Variants in HECTD4 observed in about 807,000 individuals in gnomAD.
HECTD4 encodes HECT domain E3 ubiquitin protein ligase 4.
Under a neutral mutation model 471.5 loss-of-function variants are expected in HECTD4, and 114 were observed. That is an observed-to-expected ratio of 0.24 (90% CI 0.21 to 0.28). The LOEUF (loss-of-function observed/expected upper bound fraction) is 0.28, where lower values mean the gene tolerates loss of function less well. Among genes scored for constraint, HECTD4 ranks in the 10% least tolerant of loss-of-function variants. The pLI is 1.00. For missense variants in HECTD4, 3,866 were observed against 5,651.5 expected (o/e 0.68, Z 10.13); for synonymous variants, 2,012 against 2,256.0 (o/e 0.89, Z 3.07).
chr12:112,167,467 C>A lies in HECTD4; in HGVS notation c.12384G>T (p.Leu4128=), dbSNP rs1566057740. 2 of 1,613,010 alleles carry A rather than the reference C, an allele frequency of 1.2e-6. No individual in the cohort carries two copies. Among genetic ancestry groups the A allele is most frequent in the Non-Finnish European group, 1.7e-6 (2 of 1,179,490 alleles). The change falls in exon 72 of 76, where the codon CTG becomes CTT. Residue 4128 remains leucine (L), a synonymous_variant. Transcript: ENST00000682272. Reference sequence around the variant, plus strand: ...CGTCTGCCCGAATTGCAATCCCCAGCAGCTGCCCCAGGAAGTGCAGCAGCT... The same window carrying A: ...CGTCTGCCCGAATTGCAATCCCCAGAAGCTGCCCCAGGAAGTGCAGCAGCT... ...EEQLLHFLGQ[L]LGIAIRADVP...
chr12:112,349,342 C>A (rs555882751), intron 1 of HECTD4, among the ~76,000 whole-genome samples: 1 of 142,208 alleles, frequency 7.0e-6, no homozygotes, highest in Non-Finnish European at 1.5e-5. Flanking sequence ...GAGCCGAGAT[C>A]GCACCACTGC....
intron 20 of HECTD4, 24 bp from the exon 21 acceptor site, chr12:112,256,542 T>C: frequency 1.4e-6 from 2 of 1,477,738 alleles, no homozygotes; most frequent in South Asian, 1.4e-5. Flanking sequence ...GAGAAAGTGA[T>C]TTAGCTTAGC....
intron 7 of HECTD4, among the ~76,000 whole-genome samples, chr12:112,292,640 C>A (rs886240877): frequency 2.0e-5 from 3 of 152,178 alleles, no homozygotes; most frequent in Non-Finnish European, 4.4e-5. Flanking sequence ...AAGTGCCCAG[C>A]ACTTACATCA....
Position 112,371,316 on chromosome 12 carries a change from C to CT in HECTD4, c.177+10635dup, listed in dbSNP as rs1409026928. Among the ~76,000 whole-genome samples the CT allele has an allele frequency of 2.0e-5, 3 of 152,136 alleles. 1 individual carries two copies. The highest frequency in any genetic ancestry group is 1.3e-4 in the Admixed American group (2 of 15,244). ...TCCAGCCAGGCGCGGTGGTTCACAC[C>CT]TGTAATCCCAGCACTCTGGAAGGCC... On this transcript the variant is annotated intron_variant, in intron 1 of 75. Coordinates refer to ENST00000682272, the MANE Select transcript of HECTD4 (RefSeq NM_001388303.1).
At position 112,193,482 on chromosome 12, in the gene HECTD4, C is replaced by T. The variant is rs748758471; in HGVS notation, c.8942G>A (p.Cys2981Tyr). 1.2e-5 allele frequency: 20 copies of T among 1,608,754 alleles called. No homozygotes were observed. The highest frequency in any genetic ancestry group is 1.7e-5 in the Non-Finnish European group (20 of 1,177,606). ...ESLLELTKQI[C>Y]SFLQTAPEQF... Reference sequence around the variant, plus strand: ...TTAGACTTCTACCTGCAGGAAAGAGCAGATCTGTTTCGTCAGCTCTAAAAG... The same window carrying T: ...TTAGACTTCTACCTGCAGGAAAGAGTAGATCTGTTTCGTCAGCTCTAAAAG... Residue 2981 changes from cysteine to tyrosine, a missense_variant, in exon 57 of 76, where the codon TGC becomes TAC. Cys to Tyr is a radical substitution (Grantham distance 194). Transcript: ENST00000682272. This position sits in a 1 kb window ranked among gnomAD's most constrained non-coding sequence, Gnocchi z 5.2.
At chr12:112,252,297 C>T in intron 23 of HECTD4, 127 bp downstream of exon 23, 1 of 949,810 alleles carries the variant, frequency 1.1e-6, no homozygotes, top group Non-Finnish European at 1.5e-6. Context: ...TGACTAGTGC[C>T]AACTAGAAGA....
intron 45 of HECTD4, among the ~76,000 whole-genome samples, chr12:112,218,919 G>A (rs2033008714): frequency 6.6e-6 from 1 of 151,886 alleles, no homozygotes; most frequent in Admixed American, 6.6e-5. Context: ...ATTTTTAGTA[G>A]AGATGGGTTT....
chr12:112,354,015 C>T (rs966189177), intron 1 of HECTD4, among the ~76,000 whole-genome samples: 1 of 152,048 alleles, frequency 6.6e-6, no homozygotes, highest in African/African-American at 2.4e-5. Context: ...CAAAGCCAGT[C>T]TGGGTAACAC....
chr12:112,310,273 A>G (rs966100513), intron 4 of HECTD4, among the ~76,000 whole-genome samples: 33 of 152,228 alleles, frequency 2.2e-4, no homozygotes, highest in African/African-American at 8.0e-4. Flanking sequence ...TACTAATGAT[A>G]TACATTAAAC....
intron 1 of HECTD4, among the ~76,000 whole-genome samples, chr12:112,336,114 A>G (rs1461990131): frequency 1.3e-5 from 2 of 152,266 alleles, no homozygotes; most frequent in Non-Finnish European, 2.9e-5. Context: ...ATTAAACTAT[A>G]TCATGAGGAT....
chr12:112,250,061 G>T, intron 25 of HECTD4, 83 bp downstream of exon 25: 3 of 938,728 alleles, frequency 3.2e-6, no homozygotes, highest in Non-Finnish European at 3.3e-6. Flanking sequence ...TCATTTACTA[G>T]ACCACAGAAG....
chr12:112,278,365 C>G (rs184614134), intron 9 of HECTD4, among the ~76,000 whole-genome samples: 39 of 152,290 alleles, frequency 2.6e-4, no homozygotes, highest in Admixed American at 2.3e-3. Context: ...AATAAAGCCA[C>G]CGCCCCCAGC....
intron 51 of HECTD4, 54 bp from the exon 52 acceptor site, chr12:112,208,054 A>T: frequency 1.3e-6 from 2 of 1,580,094 alleles, no homozygotes; most frequent in Non-Finnish European, 1.7e-6. Flanking sequence ...TGCAGGCATC[A>T]CTGTTTCCCT....
chr12:112,170,537 G>A, intron 68 of HECTD4, 85 bp from the exon 69 acceptor site: 5 of 1,536,948 alleles, frequency 3.3e-6, no homozygotes, highest in Non-Finnish European at 4.4e-6. Context: ...CGGTCCCTGG[G>A]TGTGGCACTC....
chr12:112,365,771 T>TG (rs2036544836), intron 1 of HECTD4, among the ~76,000 whole-genome samples: 2 of 116,118 alleles, frequency 1.7e-5, no homozygotes, highest in African/African-American at 6.3e-5. Flanking sequence ...GTTTTTTTTT[T>TG]GTTTTTTTTT....
chr12:112,344,960 T>C (rs1210044325), intron 1 of HECTD4, among the ~76,000 whole-genome samples: 1 of 148,344 alleles, frequency 6.7e-6, no homozygotes, highest in East Asian at 2.1e-4. Flanking sequence ...GAAGAGAAGA[T>C]AAAAGATAAG....
In HECTD4 at chr12:112,235,595, G is replaced by A. The variant is rs1256926990; in HGVS notation, c.5634C>T (p.Pro1878=). The A allele has an allele frequency of 1.9e-6, 3 of 1,614,028 alleles. No individual in the cohort carries two copies. The highest frequency in any genetic ancestry group is 1.3e-5 in the African/African-American group (1 of 75,064). The stretch of plus-strand genomic sequence containing the variant: ...GATCCTCCTGCTCACTGTTTAAGGA[G>A]GGGACAGAGTAGCTCCAGGGTGGGA... The part of the protein sequence containing the change: ...VELPPWSYSV[P]SLNSEQEDPS... Residue 1878 remains proline (P), a synonymous_variant, in exon 36 of 76, where the codon CCC becomes CCT. Coordinates refer to ENST00000682272, the MANE Select transcript of HECTD4 (RefSeq NM_001388303.1). The surrounding 1 kb of genome is among the most constrained non-coding windows in gnomAD (Gnocchi z 5.0).
chr12:112,382,327 TGCCGCCGCCGCC>T lies in HECTD4; in HGVS notation c.-211_-200del, dbSNP rs558182543. On this transcript the variant is annotated 5_prime_UTR_variant, in exon 1 of 76. Coordinates refer to ENST00000682272, the MANE Select transcript of HECTD4 (RefSeq NM_001388303.1). The stretch of plus-strand genomic sequence containing the variant: ...ACCCCGGCCCGGGAGACCCCGGCCC[TGCCGCCGCCGCC>T]GCCGCCGCCGCCGCCGCCGCCCTCA... 260 of 356,260 alleles carry T rather than the reference TGCCGCCGCCGCC, an allele frequency of 7.3e-4. 3 individuals carry two copies. Among genetic ancestry groups the T allele is most frequent in the Non-Finnish European group, 1.0e-3 (220 of 211,248 alleles). The allele number at this position is 356,260 out of a possible 1,614,324, so 22.1% of individuals were successfully genotyped here. A position where few individuals can be genotyped will look rare whatever the true frequency, so the allele number is the denominator to read the frequency against.
chr12:112,177,116 C>T (rs1013058949), intron 64 of HECTD4, among the ~76,000 whole-genome samples: 3 of 152,268 alleles, frequency 2.0e-5, no homozygotes. Context: ...CCCACCAGCA[C>T]GGATATAGAT....
Sources: allele counts gnomAD v4.1 joint callset (sites outside exome capture counted in the v4.1 genomes callset), GRCh38; gene constraint gnomAD v4.1.1; non-coding constraint Gnocchi (gnomAD v3.1); transcripts MANE v1.5; gene names NCBI Gene and HGNC (gene_info 2026-07-23, HGNC 2026-07-21).